The following CCDC88C variants were observed in gnomAD, a reference collection of about 807,000 sequenced individuals.
The protein encoded by CCDC88C is protein Daple.
A neutral mutation model predicts 198.8 loss-of-function variants in CCDC88C; 131 were observed. The observed-to-expected ratio is 0.66, with a 90% CI of 0.57 to 0.76. The LOEUF is 0.76. Among genes scored for constraint, CCDC88C ranks in the 30% least tolerant of loss-of-function variants. The probability of loss-of-function intolerance (pLI) is 0.00; values close to 1 mark genes in which losing one functional copy is unlikely to be tolerated. For missense variants in CCDC88C, 2,553 were observed against 2,631.6 expected (o/e 0.97, Z 0.65); for synonymous variants, 1,166 against 1,114.7 (o/e 1.05, Z -0.92).
chr14:91,307,804 T>C (rs1018569108), intron 17 of CCDC88C, among the ~76,000 whole-genome samples: 2 of 152,158 alleles, frequency 1.3e-5, no homozygotes, highest in Admixed American at 6.5e-5. Flanking sequence ...ACACACGTGG[T>C]GGGCACATGT....
chr14:91,273,611 G>A lies in CCDC88C; in HGVS notation c.5101C>T (p.Arg1701Ter), dbSNP rs1475150514. The A allele has an allele frequency of 5.4e-6, 8 of 1,492,536 alleles. No homozygotes were observed. The highest frequency in any genetic ancestry group is 2.8e-5 in the African/African-American group (2 of 70,758). The allele number at this position is 1,492,536 out of a possible 1,614,324, so 92.5% of individuals were successfully genotyped here. ...CRDDLLSDYF[R>*]KASDPPAIGG... ...ATGGCTGGGGGATCGCTGGCCTTTC[G>A]GAAGTAGTCACTCAGCAGGTCATCC... is the stretch of plus-strand genomic sequence containing the variant. The change falls in exon 30 of 30, where the codon CGA (arginine) becomes TGA (stop). Residue 1701 changes from arginine to a stop codon, truncating the protein, a stop_gained. Transcript: ENST00000389857. LOFTEE classifies it low-confidence loss of function (END_TRUNC). The surrounding 1 kb of genome is among the most constrained non-coding windows in gnomAD (Gnocchi z 5.6).
intron 5 of CCDC88C, 30 bp downstream of exon 5, chr14:91,343,569 C>G: frequency 5.0e-6 from 8 of 1,612,938 alleles, no homozygotes; most frequent in Middle Eastern, 1.6e-4. Context: ...TGGGGTAGGT[C>G]CCTCTGCTGC....
At chr14:91,406,988 C>G (rs1886521501) in intron 3 of CCDC88C, among the ~76,000 whole-genome samples, 1 of 152,162 alleles carries the variant, frequency 6.6e-6, no homozygotes. Flanking sequence ...TTCCCAGATG[C>G]AATGTCCAGA....
At chr14:91,412,845 C>T (rs186124589) in intron 2 of CCDC88C, among the ~76,000 whole-genome samples, 50 of 152,218 alleles carry the variant, frequency 3.3e-4, no homozygotes, top group Non-Finnish European at 3.7e-4. Flanking sequence ...AAGATTTTTG[C>T]GCCAATACAA....
chr14:91,362,201 T>A (rs1894336950), intron 3 of CCDC88C, among the ~76,000 whole-genome samples: 1 of 147,936 alleles, frequency 6.8e-6, no homozygotes, highest in Non-Finnish European at 1.5e-5. Flanking sequence ...ACCACTGCAC[T>A]CCAGCCTGGG....
rs148526323 is a variant in CCDC88C, at chr14:91,309,469, C to T, written c.2864+390G>A. Among the ~76,000 whole-genome samples the T allele has an allele frequency of 1.3e-4, 20 of 152,000 alleles. No individual in the cohort carries two copies. In the East Asian group the frequency reaches 2.9e-3, roughly 22 times the overall value. The stretch of plus-strand genomic sequence containing the variant: ...ACATACAAGGATTAGCCAGGTGTGG[C>T]GGTGCATGCCTGTGGTCCCAGCTAG... On this transcript the variant is annotated intron_variant, in intron 16 of 29. Transcript: ENST00000389857.
At chr14:91,370,446 CT>C (rs1482723724) in intron 3 of CCDC88C, among the ~76,000 whole-genome samples, 2 of 152,204 alleles carry the variant, frequency 1.3e-5, no homozygotes, top group Non-Finnish European at 2.9e-5. Context: ...GCCACCTTCC[CT>C]TTAGGGCTGG....
chr14:91,388,201 C>T (rs540956989), intron 3 of CCDC88C, among the ~76,000 whole-genome samples: 3 of 152,280 alleles, frequency 2.0e-5, no homozygotes, highest in South Asian at 2.1e-4. Context: ...GGCCAGCAAG[C>T]GGGAGACGGC....
At position 91,352,153 on chromosome 14, in the gene CCDC88C, C is replaced by T. The variant is rs1247013976; in HGVS notation, c.340+7489G>A. On this transcript the variant is annotated intron_variant, in intron 4 of 29. Transcript: ENST00000389857. The surrounding 1 kb of genome is among the most constrained non-coding windows in gnomAD (Gnocchi z 4.2). ...GACAAATAGCATCTCTTCCCTCCTC[C>T]GCAGACGGCGGTGGCCACAGAGAGT... is the stretch of plus-strand genomic sequence containing the variant. Among the ~76,000 whole-genome samples, 3 of 152,270 alleles carry T rather than the reference C, an allele frequency of 2.0e-5. No individual in the cohort carries two copies. Among genetic ancestry groups the T allele is most frequent in the Admixed American group, 6.5e-5 (1 of 15,286 alleles).
intron 10 of CCDC88C, among the ~76,000 whole-genome samples, chr14:91,333,238 C>T (rs528623839): frequency 2.2e-4 from 33 of 152,316 alleles, no homozygotes; most frequent in Non-Finnish European, 4.0e-4. Context: ...GAATTCTCTT[C>T]GAAACATATA....
chr14:91,290,891 G>A (rs1890632731), intron 24 of CCDC88C, 104 bp downstream of exon 24: 1 of 696,772 alleles, frequency 1.4e-6, no homozygotes, highest in African/African-American at 1.8e-5. Flanking sequence ...TCTGTGCACA[G>A]GTGGATGGTG....
In CCDC88C at chr14:91,322,622, T is replaced by TGG. The variant is rs535248401; in HGVS notation, c.1343-1320_1343-1319dup. Among the ~76,000 whole-genome samples, 778 of 152,312 alleles carry TGG rather than the reference T, an allele frequency of 5.1e-3. 4 individuals carry two copies. The highest frequency in any genetic ancestry group is 0.017 in the Middle Eastern group (5 of 294). ...CTGGACAGTGTCTCTGCAGAATTCA[T>TGG]GGGGGTGAACCCATTTTTAAAATTA... On this transcript the variant is annotated intron_variant, in intron 12 of 29. Coordinates refer to ENST00000389857, the MANE Select transcript of CCDC88C (RefSeq NM_001080414.4).
At chr14:91,287,898 G>A (rs1381427192) in intron 25 of CCDC88C, among the ~76,000 whole-genome samples, 1 of 152,076 alleles carries the variant, frequency 6.6e-6, no homozygotes, top group Non-Finnish European at 1.5e-5. Flanking sequence ...GATATTTAAA[G>A]GTAAAGCTGA....
At chr14:91,321,801 A>C (rs1398596451) in intron 12 of CCDC88C, among the ~76,000 whole-genome samples, 1 of 152,226 alleles carries the variant, frequency 6.6e-6, no homozygotes, top group Non-Finnish European at 1.5e-5. Context: ...AGCCTGGATG[A>C]GATGCTATGC....
chr14:91,287,315 A>G (rs541362666), intron 25 of CCDC88C, among the ~76,000 whole-genome samples: 5 of 152,248 alleles, frequency 3.3e-5, no homozygotes. Flanking sequence ...TATCCCCATA[A>G]AGAATGACAG....
At position 91,339,782 on chromosome 14, in the gene CCDC88C, C is replaced by A; in HGVS notation, c.624+102G>T. On this transcript the variant is annotated intron_variant, in intron 7 of 29. Transcript: ENST00000389857. The surrounding 1 kb of genome is among the most constrained non-coding windows in gnomAD (Gnocchi z 5.8). ...GCACGTCCCACCCCCACCAGAACCT[C>A]AGCAGCAGGACCGAGGCGTCTAGGC... 7.4e-7 allele frequency: 1 copy of A among 1,358,350 alleles called. No individual in the cohort carries two copies. Among genetic ancestry groups the A allele is most frequent in the Non-Finnish European group, 9.8e-7 (1 of 1,023,864 alleles). 84.1% of individuals were successfully genotyped at this position (1,358,350 alleles called of 1,614,324 possible). A position where few individuals can be genotyped will look rare whatever the true frequency, so the allele number is the denominator to read the frequency against.
intron 23 of CCDC88C, among the ~76,000 whole-genome samples, chr14:91,293,581 T>TCACCTGCCACGGCCCACCTTCCTGC (rs1567055999): frequency 7.2e-5 from 2 of 27,964 alleles, no homozygotes; most frequent in South Asian, 1.1e-3. Context: ...CACCTTCCTG[T>TCACCTGCCACGGCCCACCTTCCTGC]CCCCTCGCCT....
At chr14:91,373,623 C>CT (rs1275924590) in intron 3 of CCDC88C, among the ~76,000 whole-genome samples, 3 of 152,200 alleles carry the variant, frequency 2.0e-5, no homozygotes, top group Admixed American at 2.0e-4. Context: ...AAGAAACTCT[C>CT]TATTCTATCA....
chr14:91,417,010 C>T, intron 1 of CCDC88C, 172 bp from the exon 2 acceptor site: 1 of 687,598 alleles, frequency 1.5e-6, no homozygotes, highest in Admixed American at 2.1e-5. Context: ...GGGCCTGTCT[C>T]CCCTCCCCGC....
Sources: allele counts gnomAD v4.1 joint callset (sites outside exome capture counted in the v4.1 genomes callset), GRCh38; gene constraint gnomAD v4.1.1; non-coding constraint Gnocchi (gnomAD v3.1); transcripts MANE v1.5; gene names NCBI Gene and HGNC (gene_info 2026-07-23, HGNC 2026-07-21).